Variants in SGCZ observed in about 807,000 individuals in gnomAD.
SGCZ encodes the protein sarcoglycan zeta.
A neutral mutation model predicts 41.3 loss-of-function variants in SGCZ; 40 were observed. That is an observed-to-expected ratio of 0.97 (90% CI 0.75 to 1.26). The LOEUF (loss-of-function observed/expected upper bound fraction) is 1.26, where lower values mean the gene tolerates loss of function less well. Ranked by LOEUF, SGCZ falls within the 50% of genes most tolerant of loss-of-function variation. The probability of loss-of-function intolerance (pLI) is 0.00; values close to 1 mark genes in which losing one functional copy is unlikely to be tolerated. For synonymous variants in SGCZ, 206 were observed against 137.5 expected (o/e 1.50, Z -3.49); for missense variants, 552 against 369.8 (o/e 1.49, Z -4.04).
chr8:14,553,083 G>A (rs150031001), intron 2 of SGCZ, among the ~76,000 whole-genome samples: 169 of 152,108 alleles, frequency 1.1e-3, no homozygotes, highest in African/African-American at 3.8e-3. Context: ...ATTTAAAGCA[G>A]GACAAAAGAA....
intron 1 of SGCZ, among the ~76,000 whole-genome samples, chr8:15,186,311 C>G (rs1291634451): frequency 3.5e-5 from 3 of 85,092 alleles, no homozygotes; most frequent in Non-Finnish European, 8.1e-5. Flanking sequence ...GTTAATTTCT[C>G]TCGCATGTAG....
At chr8:14,373,778 T>C (rs1330565908) in intron 2 of SGCZ, among the ~76,000 whole-genome samples, 2 of 152,000 alleles carry the variant, frequency 1.3e-5, no homozygotes, top group Admixed American at 1.3e-4. Flanking sequence ...TTTACGGAAA[T>C]CTTTCAAGAC....
At chr8:14,743,097 A>G (rs1799242004) in intron 1 of SGCZ, among the ~76,000 whole-genome samples, 1 of 152,140 alleles carries the variant, frequency 6.6e-6, no homozygotes, top group Non-Finnish European at 1.5e-5. Flanking sequence ...AAGTATGCAC[A>G]ATCAGCACAT....
chr8:14,836,923 A>G (rs1802720368), intron 1 of SGCZ, among the ~76,000 whole-genome samples: 1 of 152,152 alleles, frequency 6.6e-6, no homozygotes, highest in Admixed American at 6.6e-5. Context: ...GTATTAACCC[A>G]CTTGTCCAGC....
At chr8:14,667,974 T>C (rs1807970139) in intron 1 of SGCZ, among the ~76,000 whole-genome samples, 1 of 152,158 alleles carries the variant, frequency 6.6e-6, no homozygotes. Flanking sequence ...TTTATTTATT[T>C]GAGATGGAGT....
intron 4 of SGCZ, among the ~76,000 whole-genome samples, chr8:14,192,735 G>C (rs1461809860): frequency 4.6e-5 from 7 of 151,882 alleles, no homozygotes; most frequent in Non-Finnish European, 7.4e-5. Context: ...GCTATTGTTA[G>C]ACATAAACTT....
At chr8:14,190,398 T>C (rs975986604) in intron 4 of SGCZ, among the ~76,000 whole-genome samples, 1 of 151,884 alleles carries the variant, frequency 6.6e-6, no homozygotes. Context: ...TATATATCAA[T>C]AAAGTGTGAT....
chr8:14,775,369 C>T (rs896245185), intron 1 of SGCZ, among the ~76,000 whole-genome samples: 4 of 151,956 alleles, frequency 2.6e-5, no homozygotes, highest in African/African-American at 9.7e-5. Flanking sequence ...GGAAAAATTT[C>T]CTACTACCTA....
intron 1 of SGCZ, among the ~76,000 whole-genome samples, chr8:14,902,666 T>A (rs1000370071): frequency 6.6e-6 from 1 of 152,100 alleles, no homozygotes; most frequent in African/African-American, 2.4e-5. Flanking sequence ...ATTAGCCTAG[T>A]CCTGACATTG....
At position 14,762,026 on chromosome 8, in the gene SGCZ, G is replaced by C. The variant is rs564002762; in HGVS notation, c.40-207100C>G. ...CTACACAATGGAAAGTTTTTCTCAG[G>C]TGACAGTAGGTGTTGTGAATGAATA... On this transcript the variant is annotated intron_variant, in intron 1 of 7. Coordinates refer to ENST00000382080, the MANE Select transcript of SGCZ (RefSeq NM_139167.4). Among the ~76,000 whole-genome samples, 4 of 152,262 alleles carry C rather than the reference G, an allele frequency of 2.6e-5. No homozygotes were observed. The East Asian group carries it at 5.8e-4, about 22-fold the overall frequency.
chr8:15,058,471 T>C (rs914137183), intron 1 of SGCZ, among the ~76,000 whole-genome samples: 1 of 152,228 alleles, frequency 6.6e-6, no homozygotes, highest in Non-Finnish European at 1.5e-5. Flanking sequence ...GTGAAGTGTA[T>C]ATTTGTCTGC....
At chr8:14,917,809 A>G (rs567570592) in intron 1 of SGCZ, among the ~76,000 whole-genome samples, 3 of 152,240 alleles carry the variant, frequency 2.0e-5, no homozygotes, top group South Asian at 4.1e-4. Flanking sequence ...ATTTTGTACC[A>G]TATCACATGT....
intron 1 of SGCZ, among the ~76,000 whole-genome samples, chr8:14,595,325 G>C (rs1431034211): frequency 1.3e-5 from 2 of 151,416 alleles, no homozygotes; most frequent in Non-Finnish European, 2.9e-5. Flanking sequence ...CATCTGGTAA[G>C]TTACCAAAAC....
At chr8:14,291,624 G>A (rs1563238717) in intron 3 of SGCZ, among the ~76,000 whole-genome samples, 1 of 151,924 alleles carries the variant, frequency 6.6e-6, no homozygotes, top group South Asian at 2.1e-4. Context: ...ACATTAATAT[G>A]TATTTTAAAT....
chr8:14,420,934 T>C (rs1490371106), intron 2 of SGCZ, among the ~76,000 whole-genome samples: 1 of 152,182 alleles, frequency 6.6e-6, no homozygotes, highest in Non-Finnish European at 1.5e-5. Flanking sequence ...ATGTTCCTGA[T>C]AATTTTCTCC....
chr8:14,431,209 C>A (rs1185422860), intron 2 of SGCZ, among the ~76,000 whole-genome samples: 1 of 151,928 alleles, frequency 6.6e-6, no homozygotes, highest in Non-Finnish European at 1.5e-5. Flanking sequence ...CATATGGAAT[C>A]AAAAAAGAGC....
intron 1 of SGCZ, among the ~76,000 whole-genome samples, chr8:14,646,085 G>A (rs1160313080): frequency 6.6e-6 from 1 of 151,510 alleles, no homozygotes; most frequent in African/African-American, 2.4e-5. Flanking sequence ...TTAGATACAG[G>A]GAATACATAT....
At chr8:14,508,601 T>A (rs991689180) in intron 2 of SGCZ, among the ~76,000 whole-genome samples, 1 of 152,146 alleles carries the variant, frequency 6.6e-6, no homozygotes, top group African/African-American at 2.4e-5. Flanking sequence ...TCCATAAATG[T>A]GCCTTGGTGG....
intron 1 of SGCZ, among the ~76,000 whole-genome samples, chr8:14,918,909 C>A (rs925555048): frequency 2.6e-5 from 4 of 152,092 alleles, no homozygotes; most frequent in African/African-American, 9.7e-5. Flanking sequence ...TATCATCAAT[C>A]GGTCTGAAGG....
Sources: gnomAD v4.1 joint callset for allele counts (sites outside exome capture counted in the v4.1 genomes callset) on GRCh38, gnomAD v4.1.1 for gene constraint, MANE v1.5 for transcripts, NCBI Gene and HGNC (gene_info 2026-07-23, HGNC 2026-07-21) for gene names.